RHOC: variants seen among roughly 807,000 people sequenced by gnomAD.
RHOC encodes the protein ras homolog family member C, also known as rho-related GTP-binding protein RhoC.
In RHOC, 13 loss-of-function variants were observed where a neutral mutation model predicts 19.5. The observed-to-expected ratio is 0.67, with a 90% CI of 0.43 to 1.06. The LOEUF is 1.06. RHOC is among the 50% of genes least tolerant of loss of function. The pLI, the probability that RHOC is intolerant of heterozygous loss-of-function variation, is 0.00. For synonymous variants in RHOC, 106 were observed against 97.3 expected, an observed-to-expected ratio of 1.09 and a Z score of -0.52; for missense variants, 173 against 256.9, an observed-to-expected ratio of 0.67 and a Z score of 2.23.
chr1:112,705,019 C>T (rs1674790427), intron 2 of RHOC, 81 bp downstream of exon 2: 5 of 686,878 alleles, frequency 7.3e-6, no homozygotes, highest in African/African-American at 1.8e-5. Context: ...CCACCCCCAG[C>T]ACACACAGCG....
At chr1:112,706,476 A>AC (rs1557780694) in intron 1 of RHOC, among the ~76,000 whole-genome samples, 164 of 3,870 alleles carry the variant, frequency 0.042, 13 homozygotes, top group Non-Finnish European at 0.048. Context: ...ACACACACAC[A>AC]CACACACACA....
chr1:112,705,471 C>T (rs987433101), intron 1 of RHOC: 5 of 572,678 alleles, frequency 8.7e-6, no homozygotes, highest in Non-Finnish European at 1.6e-5. Context: ...TGCCTCCAGA[C>T]ACATTCACAA....
At chr1:112,705,027 G>C in intron 2 of RHOC, 73 bp downstream of exon 2, 1 of 689,904 alleles carries the variant, frequency 1.4e-6, no homozygotes. Flanking sequence ...AGCACACACA[G>C]CGAGCATCTG....
chr1:112,707,227 CCCGGCCCCGCGCAGGGCCGCAGCCA>C (rs1010075100), upstream of RHOC: 1 of 150,716 alleles, frequency 6.6e-6, no homozygotes, highest in Admixed American at 6.6e-5. Flanking sequence ...CTCGGCCCGC[CCCGGCCCCGCGCAGGGCCGCAGCCA>C]CCGGCCCCCT....
intron 3 of RHOC, 88 bp from the exon 4 acceptor site, chr1:112,703,207 C>A: frequency 6.7e-7 from 1 of 1,493,180 alleles, no homozygotes; most frequent in Non-Finnish European, 9.1e-7. Context: ...TTCGGGCTCA[C>A]TGAACTTCTT....
intron 4 of RHOC, 95 bp from the exon 5 acceptor site, chr1:112,702,788 C>G (rs1206753826): frequency 3.9e-6 from 6 of 1,525,026 alleles, no homozygotes; most frequent in Non-Finnish European, 5.4e-6. Context: ...GTCTTAGAAG[C>G]CATTCAGCAT....
At chr1:112,701,817 G>T (rs1017004963) in intron 5 of RHOC, 104 bp from the exon 6 acceptor site, 1 of 1,262,498 alleles carries the variant, frequency 7.9e-7, no homozygotes, top group Non-Finnish European at 1.1e-6. Flanking sequence ...TCCTTCTCCA[G>T]CCCTGACCCA....
At position 112,703,751 on chromosome 1, in the gene RHOC, C is replaced by T. The variant is rs1368561952; in HGVS notation, c.49G>A (p.Gly17Arg). 1 of 1,612,980 alleles carries T rather than the reference C, an allele frequency of 6.2e-7. No individual in the cohort carries two copies. Residue 17 changes from glycine (G) to arginine (R), a missense_variant, in exon 3 of 6, where the codon GGG (glycine) becomes AGG (arginine). Physicochemically the swap from Gly to Arg is moderately radical, Grantham distance 125. Around this residue, in one of 2 missense-constraint regions of RHOC, gnomAD observed 92 missense variants for 171.1 expected, o/e 0.54. Coordinates refer to ENST00000339083, the MANE Select transcript of RHOC (RefSeq NM_175744.5). ...KLVIVGDGAC[G>R]KTCLLIVFSK... Reference sequence around the variant, plus strand: ...AAGACGATGAGGAGGCAGGTCTTCCCACAGGCACCATCCCCAACGATCACC... The same window carrying T: ...AAGACGATGAGGAGGCAGGTCTTCCTACAGGCACCATCCCCAACGATCACC...
chr1:112,706,380 T>A (rs1319920461), intron 1 of RHOC: 6 of 151,378 alleles, frequency 4.0e-5, no homozygotes, highest in African/African-American at 1.5e-4. Context: ...TTGGTTCGAG[T>A]ATGAAGAAGG....
intron 5 of RHOC, 118 bp downstream of exon 5, chr1:112,702,445 G>A: frequency 2.7e-6 from 3 of 1,099,170 alleles, no homozygotes; most frequent in Non-Finnish European, 4.0e-6. Context: ...CTCACCAGGA[G>A]ATATTACTGT....
At chr1:112,702,938 A>C (rs1674707588) in intron 4 of RHOC, 61 bp downstream of exon 4, 1 of 1,598,864 alleles carries the variant, frequency 6.3e-7, no homozygotes, top group Admixed American at 1.7e-5. Context: ...AGACAGGCCA[A>C]GGCACGAGAC....
chr1:112,702,059 A>T (rs1300943792), intron 5 of RHOC, among the ~76,000 whole-genome samples: 1 of 152,130 alleles, frequency 6.6e-6, no homozygotes, highest in Non-Finnish European at 1.5e-5. Context: ...CCAGTTTGAA[A>T]CTTTGCCATA....
At chr1:112,706,462 CACCACACACACACACACACACACACA>C (rs1557780600) in intron 1 of RHOC, among the ~76,000 whole-genome samples, 313 of 16,956 alleles carry the variant, frequency 0.018, 2 homozygotes, top group East Asian at 0.057. Context: ...CACACACACA[CACCACACACACACACACACACACACA>C]CACACACACA....
chr1:112,706,474 A>AC (rs1557780679), intron 1 of RHOC, among the ~76,000 whole-genome samples: 57 of 3,358 alleles, frequency 0.017, 2 homozygotes, highest in South Asian at 0.039. Context: ...CCACACACAC[A>AC]CACACACACA....
At chr1:112,702,832 T>G in intron 4 of RHOC, 139 bp from the exon 5 acceptor site, 3 of 1,360,852 alleles carry the variant, frequency 2.2e-6, no homozygotes, top group African/African-American at 2.9e-5. Flanking sequence ...ACCTCAACAG[T>G]AGTATGCCCT....
chr1:112,702,646 T>G lies in RHOC; in HGVS notation c.325A>C (p.Asn109His). The stretch of plus-strand genomic sequence containing the variant: ...TTCCCCACCAGGATGATGGGCACGT[T>G]GGGGCAGAAGTGCTTCACCTCTGGG... Reference protein sequence around the residue: ...WTPEVKHFCPNVPIILVGNKK... With the variant: ...WTPEVKHFCPHVPIILVGNKK... Residue 109 changes from asparagine (N) to histidine (H), a missense_variant, in exon 5 of 6, where the codon AAC (asparagine) becomes CAC (histidine). Coordinates refer to ENST00000339083, the MANE Select transcript of RHOC (RefSeq NM_175744.5). The G allele has an allele frequency of 6.2e-7, 1 of 1,614,110 alleles. No individual in the cohort carries two copies.
At chr1:112,704,376 C>A (rs1256297770) in intron 2 of RHOC, 1 of 153,244 alleles carries the variant, frequency 6.5e-6, no homozygotes, top group Non-Finnish European at 1.5e-5. Flanking sequence ...AGTTATAGAG[C>A]CCCTAGGTGC....
Position 112,703,042 on chromosome 1 carries a change from A to C in RHOC, c.234T>G (p.Asp78Glu). The change falls in exon 4 of 6, where the codon GAT becomes GAG. Residue 78 changes from aspartate to glutamate, a missense_variant. Asp to Glu is a conservative substitution (Grantham distance 45). Coordinates refer to ENST00000339083, the MANE Select transcript of RHOC (RefSeq NM_175744.5). ...RLRPLSYPDTDVILMCFSIDS... is the reference protein window; with the variant it reads ...RLRPLSYPDTEVILMCFSIDS... ...CGATGGAGAAGCACATGAGGATGAC[A>C]TCAGTGTCCGGGTAGGAGAGAGGCC... is the stretch of plus-strand genomic sequence containing the variant. 1 of 1,614,106 alleles carries C rather than the reference A, an allele frequency of 6.2e-7. No individual in the cohort carries two copies.
chr1:112,701,185 G>A lies in RHOC; in HGVS notation c.*355C>T. 1 of 554,330 alleles carries A rather than the reference G, an allele frequency of 1.8e-6. No individual in the cohort carries two copies. The highest frequency in any genetic ancestry group is 3.2e-6 in the Non-Finnish European group (1 of 313,536). The allele number at this position is 554,330 out of a possible 1,614,324, so 34.3% of individuals were successfully genotyped here. ...CCTGACCAAATGCAGTGAGAGACAA[G>A]GCCCCTGCCGAAAACAACTCCAGGG... On this transcript the variant is annotated 3_prime_UTR_variant, in exon 6 of 6. Coordinates refer to ENST00000339083, the MANE Select transcript of RHOC (RefSeq NM_175744.5).
Sources: allele counts gnomAD v4.1 joint callset (sites outside exome capture counted in the v4.1 genomes callset), GRCh38; gene constraint gnomAD v4.1.1; regional missense constraint gnomAD v4.1.1; transcripts MANE v1.5; gene names NCBI Gene and HGNC (gene_info 2026-07-23, HGNC 2026-07-21).